Variants in TRABD2B observed in about 807,000 individuals in gnomAD.
TRABD2B encodes the protein metalloprotease TIKI2.
A neutral mutation model predicts 40.1 loss-of-function variants in TRABD2B; 14 were observed. The observed-to-expected ratio is 0.35, with a 90% CI of 0.23 to 0.55. TRABD2B has a LOEUF of 0.55. Among genes scored for constraint, TRABD2B ranks in the 20% least tolerant of loss-of-function variants. The probability of loss-of-function intolerance (pLI) is 0.90; values close to 1 mark genes in which losing one functional copy is unlikely to be tolerated. For missense variants in TRABD2B, 541 were observed against 648.6 expected (o/e 0.83, Z 1.80); for synonymous variants, 263 against 277.0 (o/e 0.95, Z 0.50).
At chr1:47,925,286 T>A (rs566222404) in intron 2 of TRABD2B, among the ~76,000 whole-genome samples, 1 of 152,324 alleles carries the variant, frequency 6.6e-6, no homozygotes, top group African/African-American at 2.4e-5. Context: ...TCTCAGAGCC[T>A]TTTATCCTTC....
At chr1:47,837,801 C>A (rs1193660027) in intron 2 of TRABD2B, among the ~76,000 whole-genome samples, 2 of 152,204 alleles carry the variant, frequency 1.3e-5, no homozygotes, top group African/African-American at 4.8e-5. Context: ...ATGGGCCAGG[C>A]CTTTTCCAGG....
At chr1:47,955,763 T>A (rs1047709776) in intron 2 of TRABD2B, among the ~76,000 whole-genome samples, 15 of 152,136 alleles carry the variant, frequency 9.9e-5, no homozygotes, top group Non-Finnish European at 2.1e-4. Flanking sequence ...CCCCCTCCCA[T>A]CCAGGCTTCA....
At chr1:47,768,072 G>A (rs1222901162) in intron 6 of TRABD2B, among the ~76,000 whole-genome samples, 1 of 152,174 alleles carries the variant, frequency 6.6e-6, no homozygotes, top group African/African-American at 2.4e-5. Context: ...ACTCTGTCCT[G>A]GCTTGACGTA....
chr1:47,819,247 A>G (rs527300850), intron 2 of TRABD2B: 2 of 152,366 alleles, frequency 1.3e-5, no homozygotes, highest in African/African-American at 4.8e-5. Context: ...TTTTCCCTCC[A>G]GTCGCTCCAG....
chr1:47,897,250 C>T (rs1049946960), intron 2 of TRABD2B, among the ~76,000 whole-genome samples: 1 of 152,144 alleles, frequency 6.6e-6, no homozygotes, highest in Non-Finnish European at 1.5e-5. Context: ...TCATGCTTGG[C>T]ATGTCCCAGA....
intron 4 of TRABD2B, among the ~76,000 whole-genome samples, chr1:47,788,921 A>G (rs1644632952): frequency 6.6e-6 from 1 of 152,196 alleles, no homozygotes; most frequent in Admixed American, 6.5e-5. Flanking sequence ...GGAAAAAAGA[A>G]TGCTAGAAGA....
At chr1:47,891,633 CA>C (rs932489876) in intron 2 of TRABD2B, among the ~76,000 whole-genome samples, 36 of 152,062 alleles carry the variant, frequency 2.4e-4, no homozygotes, top group African/African-American at 8.2e-4. Context: ...CCCATCTTTA[CA>C]AAAAATAATT....
At chr1:47,906,024 C>T (rs12722901) in intron 2 of TRABD2B, among the ~76,000 whole-genome samples, 69,899 of 152,024 alleles carry the variant, frequency 0.46, 17,906 homozygotes, top group Middle Eastern at 0.62. Flanking sequence ...TTTTTTATGC[C>T]CAGAAACAAG....
intron 2 of TRABD2B, among the ~76,000 whole-genome samples, chr1:47,950,377 C>A (rs1405631705): frequency 6.6e-6 from 1 of 152,090 alleles, no homozygotes; most frequent in South Asian, 2.1e-4. Flanking sequence ...TCTAATGGAC[C>A]CTTTATCTGT....
chr1:47,925,139 T>G (rs1644952862), intron 2 of TRABD2B, among the ~76,000 whole-genome samples: 1 of 152,210 alleles, frequency 6.6e-6, no homozygotes, highest in Non-Finnish European at 1.5e-5. Flanking sequence ...GAAACTCTCA[T>G]GATTCCAGTT....
intron 2 of TRABD2B, among the ~76,000 whole-genome samples, chr1:47,961,182 T>C (rs901413662): frequency 2.6e-5 from 4 of 152,122 alleles, no homozygotes; most frequent in African/African-American, 7.2e-5. Flanking sequence ...AAACTGGATC[T>C]CTTCCTTACA....
intron 2 of TRABD2B, among the ~76,000 whole-genome samples, chr1:47,968,444 C>T (rs1487848210): frequency 4.6e-5 from 7 of 152,206 alleles, no homozygotes; most frequent in Non-Finnish European, 8.8e-5. Flanking sequence ...TAACTCTTAG[C>T]TGTCTGGGCA....
At chr1:47,951,731 C>T (rs1369837509) in intron 2 of TRABD2B, among the ~76,000 whole-genome samples, 1 of 152,176 alleles carries the variant, frequency 6.6e-6, no homozygotes, top group East Asian at 1.9e-4. Flanking sequence ...GACCCCTCAC[C>T]TTGGTCCAGA....
intron 6 of TRABD2B, among the ~76,000 whole-genome samples, chr1:47,773,208 T>A (rs1440398907): frequency 3.3e-5 from 5 of 152,244 alleles, no homozygotes; most frequent in Admixed American, 1.3e-4. Flanking sequence ...GAACTTTTAA[T>A]GGGTTGCCAG....
intron 4 of TRABD2B, among the ~76,000 whole-genome samples, chr1:47,793,250 G>A (rs895667225): frequency 2.0e-5 from 3 of 152,094 alleles, no homozygotes; most frequent in Admixed American, 6.5e-5. Flanking sequence ...GAGACTTGCC[G>A]GAGGCCACAA....
At chr1:47,886,420 G>C (rs745438642) in intron 2 of TRABD2B, among the ~76,000 whole-genome samples, 6 of 152,198 alleles carry the variant, frequency 3.9e-5, no homozygotes, top group Non-Finnish European at 8.8e-5. Flanking sequence ...CTCACTGCTG[G>C]ACACCTAGCT....
At chr1:47,794,857 C>T in intron 3 of TRABD2B, 97 bp from the exon 4 acceptor site, 2 of 1,215,168 alleles carry the variant, frequency 1.6e-6, no homozygotes, top group South Asian at 1.7e-5. Flanking sequence ...CAGTGGCTCA[C>T]TGCAGCCTCA....
intron 2 of TRABD2B, among the ~76,000 whole-genome samples, chr1:47,970,041 C>G (rs1645658797): frequency 6.6e-6 from 1 of 152,074 alleles, no homozygotes. Context: ...CCAGCCCTGA[C>G]CCCACACTCA....
At chr1:47,849,753 G>A (rs1368729477) in intron 2 of TRABD2B, among the ~76,000 whole-genome samples, 1 of 152,194 alleles carries the variant, frequency 6.6e-6, no homozygotes, top group Non-Finnish European at 1.5e-5. Context: ...AGGGAGGACA[G>A]GGCAAACCTG....
Sources: gnomAD v4.1 joint callset for allele counts (sites outside exome capture counted in the v4.1 genomes callset) on GRCh38, gnomAD v4.1.1 for gene constraint, MANE v1.5 for transcripts, NCBI Gene and HGNC (gene_info 2026-07-23, HGNC 2026-07-21) for gene names.